SMARCA2: variants seen among roughly 807,000 people sequenced by gnomAD.
SMARCA2 encodes SWI/SNF-related matrix-associated actin-dependent regulator of chromatin subfamily A member 2.
Under a neutral mutation model 199.8 loss-of-function variants are expected in SMARCA2, and 61 were observed. That is an observed-to-expected ratio of 0.31 (90% CI 0.25 to 0.38). The LOEUF (loss-of-function observed/expected upper bound fraction) is 0.38, where lower values mean the gene tolerates loss of function less well. SMARCA2 is among the 10% of genes least tolerant of loss of function. SMARCA2 has a pLI of 1.00. For missense variants in SMARCA2, 1,344 were observed against 2,012.2 expected (o/e 0.67, Z 6.35); for synonymous variants, 935 against 732.0 (o/e 1.28, Z -4.48).
intron 13 of SMARCA2, 38 bp downstream of exon 13, chr9:2,076,367 G>A (rs1326182240): frequency 8.3e-7 from 1 of 1,202,446 alleles, no homozygotes; most frequent in Non-Finnish European, 1.2e-6. Context: ...TGCATTGCAT[G>A]AGGATGATGC....
At chr9:2,143,292 A>G (rs191237403) in intron 27 of SMARCA2, among the ~76,000 whole-genome samples, 1 of 152,292 alleles carries the variant, frequency 6.6e-6, no homozygotes, top group East Asian at 1.9e-4. Context: ...TTTTAACAGC[A>G]GTAGATGTGG....
intron 29 of SMARCA2, 89 bp from the exon 30 acceptor site, chr9:2,181,482 C>T (rs1827019133): frequency 1.4e-6 from 1 of 737,544 alleles, no homozygotes; most frequent in Admixed American, 2.2e-5. Flanking sequence ...ATATAATTTA[C>T]TTTGTTGACA....
At chr9:2,191,607 C>G (rs555698751) in intron 33 of SMARCA2, 199 bp downstream of exon 33, 19 of 480,212 alleles carry the variant, frequency 4.0e-5, no homozygotes, top group East Asian at 2.4e-4. Context: ...TGTTTATTGC[C>G]TTTTTAATAG....
chr9:2,139,333 G>C (rs954715310), intron 27 of SMARCA2, among the ~76,000 whole-genome samples: 3 of 152,166 alleles, frequency 2.0e-5, no homozygotes, highest in Non-Finnish European at 4.4e-5. Flanking sequence ...GGGCAGGGGG[G>C]TAGAGAATGG....
Position 2,017,190 on chromosome 9 carries a change from C to G in SMARCA2, c.-37+1786C>G, listed in dbSNP as rs1818390877. ...GCATTATTATTTTTATCCGGGTTGC[C>G]GTTTGCTGCGGATGGTGGTGAGCGC... On this transcript the variant is annotated intron_variant, in intron 1 of 33. Transcript: ENST00000349721. This position sits in a 1 kb window ranked among gnomAD's most constrained non-coding sequence, Gnocchi z 8.8. 1 of 145,998 alleles carries G rather than the reference C, an allele frequency of 6.8e-6. No homozygotes were observed. Among genetic ancestry groups the G allele is most frequent in the Non-Finnish European group, 1.5e-5 (1 of 67,000 alleles). 9.0% of individuals were successfully genotyped at this position (145,998 alleles called of 1,614,324 possible). A position where few individuals can be genotyped will look rare whatever the true frequency, so the allele number is the denominator to read the frequency against.
In SMARCA2 at chr9:2,083,364, C is replaced by A; in HGVS notation, c.2366C>A (p.Thr789Lys). The A allele has an allele frequency of 1.9e-6, 3 of 1,596,078 alleles. No individual in the cohort carries two copies. Among genetic ancestry groups the A allele is most frequent in the Admixed American group, 1.7e-5 (1 of 59,374 alleles). The stretch of plus-strand genomic sequence containing the variant: ...TTCCATAGGACTCTATCTAACTGGA[C>A]ATATGAATTTGACAAATGGGCTCCT... ...IVPLSTLSNWTYEFDKWAPSV... is the reference protein window; with the variant it reads ...IVPLSTLSNWKYEFDKWAPSV... Residue 789 changes from threonine (T) to lysine (K), a missense_variant, in exon 16 of 34, where the codon ACA becomes AAA. Around this residue, in one of 18 missense-constraint regions of SMARCA2, gnomAD observed 50 missense variants for 81.6 expected, o/e 0.61. Coordinates refer to ENST00000349721, the MANE Select transcript of SMARCA2 (RefSeq NM_003070.5).
At chr9:2,105,836 G>A (rs557138423) in intron 23 of SMARCA2, among the ~76,000 whole-genome samples, 31 of 152,276 alleles carry the variant, frequency 2.0e-4, no homozygotes, top group African/African-American at 4.8e-4. Flanking sequence ...GGCGTCCTGC[G>A]TAACTATCAC....
At chr9:2,065,090 T>C (rs1390287920) in intron 9 of SMARCA2, among the ~76,000 whole-genome samples, 2 of 151,662 alleles carry the variant, frequency 1.3e-5, no homozygotes, top group African/African-American at 2.4e-5. Flanking sequence ...GAGGCTGAGG[T>C]GAGAGAATGG....
intron 1 of SMARCA2, among the ~76,000 whole-genome samples, chr9:2,021,129 C>T (rs1411751601): frequency 1.3e-5 from 2 of 152,084 alleles, no homozygotes; most frequent in Non-Finnish European, 2.9e-5. Flanking sequence ...CAATCTTATG[C>T]CAGTATGTCA....
intron 17 of SMARCA2, among the ~76,000 whole-genome samples, chr9:2,084,984 G>A (rs73638379): frequency 0.046 from 7,039 of 151,898 alleles, 539 homozygotes; most frequent in African/African-American, 0.16. Context: ...ACCCCATGAC[G>A]TTTTGAAAGC....
Position 2,073,000 on chromosome 9 carries a change from C to A in SMARCA2, c.1747-212C>A, listed in dbSNP as rs111915860. The stretch of plus-strand genomic sequence containing the variant: ...CTGGTTGCTGGAGCTGAGGTTTGTG[C>A]CTGTATCTTAGCTACCAGGGAGGCA... On this transcript the variant is annotated intron_variant, in intron 10 of 33. Transcript: ENST00000349721. 127 of 541,214 alleles carry A rather than the reference C, an allele frequency of 2.3e-4. 1 individual carries two copies. The highest frequency in any genetic ancestry group is 2.2e-3 in the African/African-American group (117 of 52,260). The allele number at this position is 541,214 out of a possible 1,614,324, so 33.5% of individuals were successfully genotyped here. A position where few individuals can be genotyped will look rare whatever the true frequency, so the allele number is the denominator to read the frequency against.
rs778660870 is a variant in SMARCA2, at chr9:2,191,394, G to A, written c.4723G>A (p.Glu1575Lys). 2 of 1,614,136 alleles carry A rather than the reference G, an allele frequency of 1.2e-6. No individual in the cohort carries two copies. The highest frequency in any genetic ancestry group is 2.2e-5 in the East Asian group (1 of 44,882). ...PVVSDFDSDE[E>K]QDEREQSEGS... Reference sequence around the variant, plus strand: ...AGTGAGCGATTTTGACAGCGATGAGGAGCAGGATGAACGTGTAAGTGTAGC... The same window carrying A: ...AGTGAGCGATTTTGACAGCGATGAGAAGCAGGATGAACGTGTAAGTGTAGC... Residue 1575 changes from glutamate (E) to lysine (K), a missense_variant, in exon 33 of 34, where the codon GAG becomes AAG. Coordinates refer to ENST00000349721, the MANE Select transcript of SMARCA2 (RefSeq NM_003070.5).
rs976165060 is a variant in SMARCA2 at position 2,016,730 on chromosome 9, A to G, written c.-37+1326A>G. Among the ~76,000 whole-genome samples the G allele has an allele frequency of 6.6e-6, 1 of 152,000 alleles. No homozygotes were observed. Among genetic ancestry groups the G allele is most frequent in the Admixed American group, 6.5e-5 (1 of 15,278 alleles). On this transcript the variant is annotated intron_variant, in intron 1 of 33. Coordinates refer to ENST00000349721, the MANE Select transcript of SMARCA2 (RefSeq NM_003070.5). The surrounding 1 kb of genome is among the most constrained non-coding windows in gnomAD (Gnocchi z 5.6). ...ACCGGGTAGGAGCCTCCTCCCAACG[A>G]TGACACGCACTCCTTCCTTCTCGCT... is the stretch of plus-strand genomic sequence containing the variant.
chr9:2,074,763 A>G (rs1368853765), intron 12 of SMARCA2, among the ~76,000 whole-genome samples: 1 of 152,130 alleles, frequency 6.6e-6, no homozygotes, highest in Non-Finnish European at 1.5e-5. Flanking sequence ...GCTACTCGGG[A>G]GGCTGAGGTA....
In SMARCA2 at chr9:2,169,939, G is replaced by T. The variant is rs1390810816; in HGVS notation, c.4200-480G>T. 6.6e-6 allele frequency among the ~76,000 whole-genome samples: 1 copy of T among 152,166 alleles called. No individual in the cohort carries two copies. Among genetic ancestry groups the T allele is most frequent in the Non-Finnish European group, 1.5e-5 (1 of 68,022 alleles). ...TTAGATGGTGTTCAGACCCAAATTG[G>T]CTGATGCTTGGAATACCTTCTTTGT... is the stretch of plus-strand genomic sequence containing the variant. On this transcript the variant is annotated intron_variant, in intron 28 of 33. Coordinates refer to ENST00000349721, the MANE Select transcript of SMARCA2 (RefSeq NM_003070.5). This position sits in a 1 kb window ranked among gnomAD's most constrained non-coding sequence, Gnocchi z 6.5.
chr9:2,155,037 G>C (rs1825276571), intron 27 of SMARCA2, among the ~76,000 whole-genome samples: 1 of 152,134 alleles, frequency 6.6e-6, no homozygotes, highest in South Asian at 2.1e-4. Flanking sequence ...TCATCTCTCA[G>C]GTTTTTTGAT....
At chr9:2,063,986 G>A (rs1272636503) in intron 9 of SMARCA2, among the ~76,000 whole-genome samples, 7 of 152,200 alleles carry the variant, frequency 4.6e-5, no homozygotes, top group Non-Finnish European at 2.9e-5. Flanking sequence ...TGAACTACAT[G>A]TATCTCCTTA....
intron 11 of SMARCA2, 82 bp downstream of exon 11, chr9:2,073,424 A>G (rs1346207086): frequency 1.3e-6 from 2 of 1,568,316 alleles, no homozygotes; most frequent in Admixed American, 1.7e-5. Context: ...AACTAAAACT[A>G]CACAGCCTTT....
At chr9:2,190,692 CA>C (rs1215885698) in intron 32 of SMARCA2, among the ~76,000 whole-genome samples, 8 of 151,980 alleles carry the variant, frequency 5.3e-5, no homozygotes, top group Admixed American at 4.6e-4. Flanking sequence ...TGGACATAAA[CA>C]TTTTTTTTCC....
Sources: allele counts gnomAD v4.1 joint callset (sites outside exome capture counted in the v4.1 genomes callset), GRCh38; gene constraint gnomAD v4.1.1; regional missense constraint gnomAD v4.1.1; non-coding constraint Gnocchi (gnomAD v3.1); transcripts MANE v1.5; gene names NCBI Gene and HGNC (gene_info 2026-07-23, HGNC 2026-07-21).